The following PRRC2C variants were observed in gnomAD, a reference collection of about 807,000 sequenced individuals.
PRRC2C encodes the protein proline rich coiled-coil 2C, also known as protein PRRC2C.
PRRC2C carries 72 observed loss-of-function variants against 317.2 expected under a neutral mutation model. The ratio of observed to expected loss-of-function variants is 0.23; its 90% confidence interval spans 0.19 to 0.28. The LOEUF (loss-of-function observed/expected upper bound fraction) is 0.28. Ranked by LOEUF, PRRC2C falls within the 10% of genes least tolerant of loss-of-function variation. The pLI, the probability that PRRC2C is intolerant of heterozygous loss-of-function variation, is 1.00. For missense variants in PRRC2C, 3,074 were observed against 3,459.7 expected (o/e 0.89, Z 2.80); for synonymous variants, 1,296 against 1,205.9 (o/e 1.07, Z -1.55).
Position 171,541,609 on chromosome 1 carries a change from G to T in PRRC2C, c.4143G>T (p.Gln1381His), listed in dbSNP as rs779687292. 5 of 1,613,786 alleles carry T rather than the reference G, an allele frequency of 3.1e-6. No homozygotes were observed. Among genetic ancestry groups the T allele is most frequent in the Non-Finnish European group, 4.2e-6 (5 of 1,179,872 alleles). ...AYRDNQWNPR[Q>H]SEVPKPEDGE... Reference sequence around the variant, plus strand: ...GGGACAATCAGTGGAACCCAAGGCAGTCAGAAGTTCCTAAACCAGAAGATG... The same window carrying T: ...GGGACAATCAGTGGAACCCAAGGCATTCAGAAGTTCCTAAACCAGAAGATG... Residue 1381 changes from glutamine (Q) to histidine (H), a missense_variant, in exon 16 of 35, where the codon CAG becomes CAT. Gln to His is a conservative substitution (Grantham distance 24, BLOSUM62 0). This residue lies in a region of PRRC2C where 1,320 missense variants were observed against 1,395.7 expected (regional missense o/e 0.95). Transcript: ENST00000647382. This position sits in a 1 kb window ranked among gnomAD's most constrained non-coding sequence, Gnocchi z 4.1.
intron 25 of PRRC2C, among the ~76,000 whole-genome samples, chr1:171,575,505 G>A (rs1423733487): frequency 6.6e-6 from 1 of 152,190 alleles, no homozygotes; most frequent in African/African-American, 2.4e-5. Flanking sequence ...TAAAGACTTA[G>A]GGATGGAGAA....
Position 171,573,899 on chromosome 1 carries a change from G to A in PRRC2C, c.6754-1028G>A, listed in dbSNP as rs531093738. ...TCACTATGTTGGCCAGACTGGTCTC[G>A]AACTTCTGACCTCGTGATCCGCCTG... On this transcript the variant is annotated intron_variant, in intron 24 of 34. Transcript: ENST00000647382. 3.6e-4 allele frequency among the ~76,000 whole-genome samples: 54 copies of A among 151,792 alleles called. No individual in the cohort carries two copies. In the Middle Eastern group the frequency reaches 0.01, roughly 29 times the overall value.
intron 28 of PRRC2C, among the ~76,000 whole-genome samples, chr1:171,582,865 A>AAC (rs1553247651): frequency 2.0e-5 from 3 of 151,830 alleles, no homozygotes; most frequent in Non-Finnish European, 4.4e-5. Context: ...GTTAAAAAAA[A>AAC]AAAAACAAAT....
intron 16 of PRRC2C, among the ~76,000 whole-genome samples, chr1:171,543,282 C>T (rs2102514222): frequency 6.7e-6 from 1 of 149,600 alleles, no homozygotes; most frequent in East Asian, 2.0e-4. Context: ...GAGATTGTGC[C>T]ACTGCATTCC....
rs372459385 is a variant in PRRC2C at position 171,527,827 on chromosome 1, A to G, written c.1237A>G (p.Lys413Glu). 3 of 1,583,420 alleles carry G rather than the reference A, an allele frequency of 1.9e-6. No individual in the cohort carries two copies. Among genetic ancestry groups the G allele is most frequent in the South Asian group, 1.2e-5 (1 of 86,660 alleles). The change falls in exon 11 of 35, where the codon AAG (lysine) becomes GAG (glutamate). Residue 413 changes from lysine (K) to glutamate (E), a missense_variant. By Grantham distance (56) the Lys-to-Glu change is moderately conservative (BLOSUM62 1). This residue lies in a region of PRRC2C where 1,320 missense variants were observed against 1,395.7 expected (regional missense o/e 0.95). Transcript: ENST00000647382. ...GTSSHLPPPP[K>E]LLAQQHPPPD... ...ATCTTCACATCTGCCACCACCTCCAAAGTTGCTTGCACAGCAGGTAAATTT... is the reference window on the plus strand; with the variant it reads ...ATCTTCACATCTGCCACCACCTCCAGAGTTGCTTGCACAGCAGGTAAATTT...
chr1:171,524,860 C>A lies in PRRC2C; in HGVS notation c.1095C>A (p.Asn365Lys), dbSNP rs1285940495. ...QGSKASENNENKKETDEVSNT... is the reference protein window; with the variant it reads ...QGSKASENNEKKKETDEVSNT... ...CAAAAGCCTCTGAAAACAACGAAAA[C>A]AAAAAAGAAACAGATGAAGTTTCCA... Residue 365 changes from asparagine to lysine, a missense_variant, in exon 10 of 35, where the codon AAC (asparagine) becomes AAA (lysine). Physicochemically the swap from Asn to Lys is moderately conservative, Grantham distance 94. Coordinates refer to ENST00000647382, the MANE Select transcript of PRRC2C (RefSeq NM_001387844.1). 6.3e-7 allele frequency: 1 copy of A among 1,592,766 alleles called. No individual in the cohort carries two copies. The highest frequency in any genetic ancestry group is 8.6e-7 in the Non-Finnish European group (1 of 1,168,738).
intron 17 of PRRC2C, among the ~76,000 whole-genome samples, chr1:171,548,813 C>T (rs545873321): frequency 1.3e-5 from 2 of 152,202 alleles, no homozygotes; most frequent in African/African-American, 4.8e-5. Context: ...TGCCATCTTA[C>T]ATTCACACAC....
chr1:171,589,344 T>G (rs1650836132), intron 33 of PRRC2C, 25 bp from the exon 34 acceptor site: 3 of 924,982 alleles, frequency 3.2e-6, no homozygotes, highest in Non-Finnish European at 4.5e-6. Flanking sequence ...AGTTCAATGT[T>G]GTATGTTTTG....
chr1:171,541,021 A>G lies in PRRC2C; in HGVS notation c.3555A>G (p.Gln1185=), dbSNP rs911981717. ...EARERDWFPD[Q]GYRGRGRGEY... ...GAGAGAGAGATTGGTTTCCAGATCAAGGATACAGAGGTCGAGGCCGAGGTG... is the reference window on the plus strand; with the variant it reads ...GAGAGAGAGATTGGTTTCCAGATCAGGGATACAGAGGTCGAGGCCGAGGTG... The change falls in exon 16 of 35, where the codon CAA becomes CAG. Residue 1185 remains glutamine (Q), a synonymous_variant. Coordinates refer to ENST00000647382, the MANE Select transcript of PRRC2C (RefSeq NM_001387844.1). The surrounding 1 kb of genome is among the most constrained non-coding windows in gnomAD (Gnocchi z 4.1). The G allele has an allele frequency of 6.2e-7, 1 of 1,613,274 alleles. No homozygotes were observed. Among genetic ancestry groups the G allele is most frequent in the Non-Finnish European group, 8.5e-7 (1 of 1,179,726 alleles).
intron 30 of PRRC2C, among the ~76,000 whole-genome samples, chr1:171,586,348 C>T (rs1195367820): frequency 2.6e-5 from 4 of 151,104 alleles, no homozygotes; most frequent in Non-Finnish European, 4.4e-5. Context: ...ACCTTGGCCT[C>T]CCAAAGTGCT....
intron 18 of PRRC2C, among the ~76,000 whole-genome samples, chr1:171,553,597 G>A (rs1463916671): frequency 6.6e-6 from 1 of 151,950 alleles, no homozygotes; most frequent in Non-Finnish European, 1.5e-5. Flanking sequence ...TTTCTCTTTT[G>A]GGCACTTAGT....
At chr1:171,532,210 T>C in intron 11 of PRRC2C, 133 bp from the exon 12 acceptor site, 1 of 923,654 alleles carries the variant, frequency 1.1e-6, no homozygotes, top group Non-Finnish European at 1.6e-6. Flanking sequence ...ATCTTATGTG[T>C]TTTCATTTTA....
intron 12 of PRRC2C, among the ~76,000 whole-genome samples, chr1:171,534,409 TTCTC>T (rs762400729): frequency 1.3e-3 from 193 of 152,310 alleles, no homozygotes; most frequent in Middle Eastern, 0.01. Flanking sequence ...ATTTTATATA[TTCTC>T]TCTCATGGCA....
Position 171,576,850 on chromosome 1 carries a change from A to T in PRRC2C, c.6956-584A>T, listed in dbSNP as rs142828740. Among the ~76,000 whole-genome samples the T allele has an allele frequency of 3.9e-3, 587 of 152,158 alleles. 3 individuals carry two copies. Among genetic ancestry groups the T allele is most frequent in the African/African-American group, 0.013 (536 of 41,536 alleles). On this transcript the variant is annotated intron_variant, in intron 25 of 34. Coordinates refer to ENST00000647382, the MANE Select transcript of PRRC2C (RefSeq NM_001387844.1). ...TGCGACTACAGGCACCACCATGCCC[A>T]ACTAATTTTTTAATTTTGTGTAGAG...
chr1:171,550,641 A>G (rs1387681081), intron 18 of PRRC2C, among the ~76,000 whole-genome samples: 3 of 78,986 alleles, frequency 3.8e-5, no homozygotes, highest in African/African-American at 1.5e-4. Context: ...CAACAGGCCC[A>G]GGTGTGTGAT....
chr1:171,566,441 C>T lies in PRRC2C; in HGVS notation c.6306+20C>T, dbSNP rs757754411. 6.5e-7 allele frequency: 1 copy of T among 1,531,950 alleles called. No individual in the cohort carries two copies. Among genetic ancestry groups the T allele is most frequent in the Non-Finnish European group, 8.8e-7 (1 of 1,139,670 alleles). 94.9% of individuals were successfully genotyped at this position (1,531,950 alleles called of 1,614,324 possible). On this transcript the variant is annotated intron_variant, in intron 21 of 34. Coordinates refer to ENST00000647382, the MANE Select transcript of PRRC2C (RefSeq NM_001387844.1). ...CAGAAGGTAAATATACTTTATAATC[C>T]AGATAAAATTTTATGAAGGCCACTG...
In PRRC2C at chr1:171,541,613, G is replaced by C; in HGVS notation, c.4147G>C (p.Glu1383Gln). 6.2e-7 allele frequency: 1 copy of C among 1,613,800 alleles called. No individual in the cohort carries two copies. Among genetic ancestry groups the C allele is most frequent in the African/African-American group, 1.3e-5 (1 of 75,026 alleles). ...RDNQWNPRQS[E>Q]VPKPEDGEPP... ...CAATCAGTGGAACCCAAGGCAGTCA[G>C]AAGTTCCTAAACCAGAAGATGGAGA... is the stretch of plus-strand genomic sequence containing the variant. The change falls in exon 16 of 35, where the codon GAA becomes CAA. Residue 1383 changes from glutamate (E) to glutamine (Q), a missense_variant. Glu to Gln is a conservative substitution (Grantham distance 29, BLOSUM62 2). Transcript: ENST00000647382. The surrounding 1 kb of genome is among the most constrained non-coding windows in gnomAD (Gnocchi z 4.1).
Position 171,557,817 on chromosome 1 carries a change from C to T in PRRC2C, c.5705C>T (p.Ala1902Val), listed in dbSNP as rs1176671591. 6.5e-7 allele frequency: 1 copy of T among 1,549,834 alleles called. No homozygotes were observed. Among genetic ancestry groups the T allele is most frequent in the Non-Finnish European group, 8.7e-7 (1 of 1,145,868 alleles). Residue 1902 changes from alanine to valine, a missense_variant, in exon 19 of 35, where the codon GCC (alanine) becomes GTC (valine). This residue lies in a region of PRRC2C where 640 missense variants were observed against 676.1 expected (regional missense o/e 0.95). Coordinates refer to ENST00000647382, the MANE Select transcript of PRRC2C (RefSeq NM_001387844.1). ...ACTATCCCAGCCTCAGCCCCAACTGCCTCAGTCCCACTTGCCCCTGCCTCA... is the reference window on the plus strand; with the variant it reads ...ACTATCCCAGCCTCAGCCCCAACTGTCTCAGTCCCACTTGCCCCTGCCTCA... ...APTIPASAPT[A>V]SVPLAPASAS... is the part of the protein sequence containing the mutation.
intron 14 of PRRC2C, among the ~76,000 whole-genome samples, chr1:171,536,989 TC>T (rs1242590632): frequency 2.0e-5 from 3 of 152,234 alleles, no homozygotes; most frequent in Non-Finnish European, 4.4e-5. Flanking sequence ...CATAATATTT[TC>T]TTTCTTTTGA....
Sources: allele counts gnomAD v4.1 joint callset (sites outside exome capture counted in the v4.1 genomes callset), GRCh38; gene constraint gnomAD v4.1.1; regional missense constraint gnomAD v4.1.1; non-coding constraint Gnocchi (gnomAD v3.1); transcripts MANE v1.5; gene names NCBI Gene and HGNC (gene_info 2026-07-23, HGNC 2026-07-21).